TSPAN5: variants seen among roughly 807,000 people sequenced by gnomAD.
The protein encoded by TSPAN5 is tetraspanin 5.
In TSPAN5, 10 loss-of-function variants were observed where a neutral mutation model predicts 37.1. The observed-to-expected ratio is 0.27, with a 90% confidence interval of 0.17 to 0.46. The LOEUF is 0.46. Ranked by LOEUF, TSPAN5 falls within the 20% of genes least tolerant of loss-of-function variation. The pLI is 1.00. For missense variants in TSPAN5, 195 were observed against 326.6 expected (o/e 0.60, Z 3.11); for synonymous variants, 110 against 118.9 (o/e 0.93, Z 0.48).
At chr4:98,521,036 A>G (rs1417746067) in intron 1 of TSPAN5, among the ~76,000 whole-genome samples, 1 of 152,102 alleles carries the variant, frequency 6.6e-6, no homozygotes, top group Non-Finnish European at 1.5e-5. Flanking sequence ...GGTTCAAGCG[A>G]TTCTCCTGCC....
At chr4:98,643,463 GGATA>G in intron 1 of TSPAN5, among the ~76,000 whole-genome samples, 1 of 152,024 alleles carries the variant, frequency 6.6e-6, no homozygotes, top group South Asian at 2.1e-4. Context: ...TAAGCATCAA[GGATA>G]TATATTGGTA....
intron 1 of TSPAN5, among the ~76,000 whole-genome samples, chr4:98,643,237 A>C (rs538650698): frequency 6.6e-6 from 1 of 152,282 alleles, no homozygotes; most frequent in Admixed American, 6.5e-5. Flanking sequence ...CATTACCATA[A>C]CATGCTATAC....
At chr4:98,583,375 T>C (rs1755412315) in intron 1 of TSPAN5, among the ~76,000 whole-genome samples, 1 of 152,164 alleles carries the variant, frequency 6.6e-6, no homozygotes, top group Non-Finnish European at 1.5e-5. Flanking sequence ...TTCAGCCTAG[T>C]ACCCATTCGT....
chr4:98,602,785 A>T (rs946855313), intron 1 of TSPAN5, among the ~76,000 whole-genome samples: 1 of 152,246 alleles, frequency 6.6e-6, no homozygotes, highest in Admixed American at 6.5e-5. Flanking sequence ...TTAAATGAAG[A>T]TGCTCAAACA....
intron 1 of TSPAN5, among the ~76,000 whole-genome samples, chr4:98,562,012 A>C (rs1754891827): frequency 6.6e-6 from 1 of 152,340 alleles, no homozygotes; most frequent in South Asian, 2.1e-4. Context: ...CCCCCTCAAA[A>C]GTAGGCTCCA....
chr4:98,500,356 C>T (rs2110279179), intron 2 of TSPAN5: 1 of 152,328 alleles, frequency 6.6e-6, no homozygotes, highest in East Asian at 1.9e-4. Flanking sequence ...CTGGGAAAAA[C>T]CCTCCAGGAA....
chr4:98,510,734 GT>G (rs1263318656), intron 1 of TSPAN5, among the ~76,000 whole-genome samples: 4 of 152,138 alleles, frequency 2.6e-5, no homozygotes, highest in African/African-American at 9.7e-5. Flanking sequence ...CCAAACAAGG[GT>G]TTAAGAACTG....
chr4:98,571,935 G>A (rs1755132556), intron 1 of TSPAN5, among the ~76,000 whole-genome samples: 1 of 151,892 alleles, frequency 6.6e-6, no homozygotes, highest in Non-Finnish European at 1.5e-5. Context: ...GACAAGAAAA[G>A]GCAATTACAA....
intron 1 of TSPAN5, among the ~76,000 whole-genome samples, chr4:98,508,822 G>A (rs1424194872): frequency 6.6e-6 from 1 of 152,026 alleles, no homozygotes; most frequent in African/African-American, 2.4e-5. Flanking sequence ...ACCACTCCCG[G>A]ACTAGGGCTT....
intron 1 of TSPAN5, among the ~76,000 whole-genome samples, chr4:98,565,858 A>G (rs1024406496): frequency 7.9e-5 from 12 of 152,242 alleles, no homozygotes; most frequent in Non-Finnish European, 5.9e-5. Context: ...CTGCTGCAAC[A>G]AAGTGGTCCA....
At chr4:98,648,498 C>G (rs914436243) in intron 1 of TSPAN5, among the ~76,000 whole-genome samples, 5 of 152,210 alleles carry the variant, frequency 3.3e-5, no homozygotes, top group Admixed American at 2.0e-4. Context: ...GAATAAATGG[C>G]TAGCTTCTAG....
chr4:98,572,036 C>A (rs1481459691), intron 1 of TSPAN5, among the ~76,000 whole-genome samples: 1 of 152,032 alleles, frequency 6.6e-6, no homozygotes, highest in Non-Finnish European at 1.5e-5. Flanking sequence ...TACAGTGGTG[C>A]GATCCTGGCT....
At chr4:98,568,802 A>G (rs1184789312) in intron 1 of TSPAN5, among the ~76,000 whole-genome samples, 6 of 152,242 alleles carry the variant, frequency 3.9e-5, no homozygotes, top group Non-Finnish European at 7.3e-5. Flanking sequence ...TCCAAGCCCT[A>G]AAGAATTGAA....
At chr4:98,540,424 G>A (rs113346329) in intron 1 of TSPAN5, among the ~76,000 whole-genome samples, 16,374 of 151,796 alleles carry the variant, frequency 0.11, 1,722 homozygotes, top group African/African-American at 0.27. Context: ...TGCAACCTCC[G>A]CCTCCCAGGT....
intron 1 of TSPAN5, among the ~76,000 whole-genome samples, chr4:98,623,030 C>G (rs932637686): frequency 6.6e-6 from 1 of 152,094 alleles, no homozygotes; most frequent in Non-Finnish European, 1.5e-5. Flanking sequence ...AGGATAAACA[C>G]CATTTTACTT....
At chr4:98,616,215 T>G (rs1374106367) in intron 1 of TSPAN5, among the ~76,000 whole-genome samples, 11 of 151,932 alleles carry the variant, frequency 7.2e-5, no homozygotes, top group African/African-American at 2.7e-4. Flanking sequence ...TACCTCTGCT[T>G]CCCTCTTGGA....
chr4:98,518,435 A>G (rs1753783856), intron 1 of TSPAN5, among the ~76,000 whole-genome samples: 1 of 152,204 alleles, frequency 6.6e-6, no homozygotes, highest in South Asian at 2.1e-4. Context: ...CATAAATAAA[A>G]TGACAACTCA....
chr4:98,549,483 T>C (rs1754556644), intron 1 of TSPAN5, among the ~76,000 whole-genome samples: 1 of 152,036 alleles, frequency 6.6e-6, no homozygotes, highest in Non-Finnish European at 1.5e-5. Context: ...GTATTTTTAG[T>C]AGAGACAGGG....
At chr4:98,553,628 T>C (rs1173978727) in intron 1 of TSPAN5, among the ~76,000 whole-genome samples, 1 of 152,186 alleles carries the variant, frequency 6.6e-6, no homozygotes, top group African/African-American at 2.4e-5. Context: ...GGTACGCCTT[T>C]TATGTGTTTT....
Sources: allele counts gnomAD v4.1 joint callset (sites outside exome capture counted in the v4.1 genomes callset), GRCh38; gene constraint gnomAD v4.1.1; transcripts MANE v1.5; gene names NCBI Gene and HGNC (gene_info 2026-07-23, HGNC 2026-07-21).